Variants in NRG3 observed in about 807,000 individuals in gnomAD.
The protein encoded by NRG3 is neuregulin 3.
A neutral mutation model predicts 66.9 loss-of-function variants in NRG3; 31 were observed. The ratio of observed to expected loss-of-function variants is 0.46; its 90% CI spans 0.35 to 0.63. The LOEUF is 0.63. Among genes scored for constraint, NRG3 ranks in the 20% least tolerant of loss-of-function variants. The probability of loss-of-function intolerance (pLI) is 0.00; values close to 1 mark genes in which losing one functional copy is unlikely to be tolerated. For missense variants in NRG3, 910 were observed against 878.9 expected (o/e 1.04, Z -0.45); for synonymous variants, 393 against 359.4 (o/e 1.09, Z -1.06).
intron 2 of NRG3, among the ~76,000 whole-genome samples, chr10:82,408,046 C>CTA (rs2087674058): frequency 1.8e-5 from 1 of 54,370 alleles, no homozygotes; most frequent in Admixed American, 2.5e-4. Context: ...AAGACTACAT[C>CTA]GAGAGAGAGA....
intron 2 of NRG3, among the ~76,000 whole-genome samples, chr10:82,458,740 T>C (rs903264431): frequency 2.6e-5 from 4 of 152,156 alleles, no homozygotes; most frequent in African/African-American, 4.8e-5. Context: ...GCATCAGTTT[T>C]CTAATCTGAA....
chr10:82,017,304 T>G (rs539778001), intron 1 of NRG3, among the ~76,000 whole-genome samples: 2 of 152,238 alleles, frequency 1.3e-5, no homozygotes, highest in Admixed American at 6.5e-5. Context: ...ATGGTGTATA[T>G]GTGCCACATT....
At chr10:82,760,210 A>T (rs1591436754) in intron 3 of NRG3, among the ~76,000 whole-genome samples, 1 of 152,224 alleles carries the variant, frequency 6.6e-6, no homozygotes, top group South Asian at 2.1e-4. Context: ...CCAGAAAAAC[A>T]CAGGGCCCCA....
chr10:81,896,374 G>A (rs375300281), intron 1 of NRG3, among the ~76,000 whole-genome samples: 35 of 152,170 alleles, frequency 2.3e-4, no homozygotes, highest in Admixed American at 2.0e-3. Flanking sequence ...ATCCTATCTC[G>A]TGCCATTTCT....
At chr10:82,335,029 C>T (rs373513866) in intron 1 of NRG3, among the ~76,000 whole-genome samples, 2 of 152,204 alleles carry the variant, frequency 1.3e-5, no homozygotes, top group East Asian at 1.9e-4. Flanking sequence ...TTTCATCCTC[C>T]GTGGCCTTTA....
intron 6 of NRG3, among the ~76,000 whole-genome samples, chr10:82,961,811 A>G (rs1370342493): frequency 1.3e-5 from 2 of 152,162 alleles, no homozygotes; most frequent in Admixed American, 6.5e-5. Flanking sequence ...TCCATCACCA[A>G]GCTTCCCACC....
At chr10:82,761,099 A>G (rs964711757) in intron 3 of NRG3, among the ~76,000 whole-genome samples, 1 of 151,948 alleles carries the variant, frequency 6.6e-6, no homozygotes, top group Admixed American at 6.6e-5. Context: ...TAATTATAAA[A>G]AAAACTCTAA....
chr10:82,768,285 A>G (rs2059591353), intron 3 of NRG3, among the ~76,000 whole-genome samples: 1 of 152,070 alleles, frequency 6.6e-6, no homozygotes, highest in Non-Finnish European at 1.5e-5. Context: ...GAGCTGTCTC[A>G]CTTCTCAGTT....
chr10:82,032,735 G>A (rs375228846), intron 1 of NRG3, among the ~76,000 whole-genome samples: 4 of 152,000 alleles, frequency 2.6e-5, no homozygotes, highest in Non-Finnish European at 5.9e-5. Flanking sequence ...TAACTTTGAT[G>A]TCTCTTTCTT....
intron 2 of NRG3, among the ~76,000 whole-genome samples, chr10:82,378,008 G>C (rs535427504): frequency 1.3e-5 from 2 of 152,276 alleles, no homozygotes; most frequent in African/African-American, 4.8e-5. Flanking sequence ...TCTAATATTT[G>C]GATAACCAGT....
At chr10:82,920,204 G>C (rs1468603279) in intron 4 of NRG3, among the ~76,000 whole-genome samples, 1 of 150,290 alleles carries the variant, frequency 6.7e-6, no homozygotes, top group Non-Finnish European at 1.5e-5. Flanking sequence ...ATAAAGTACT[G>C]TACTCTAGTT....
intron 2 of NRG3, among the ~76,000 whole-genome samples, chr10:82,703,695 C>T (rs1339420338): frequency 6.6e-6 from 1 of 152,092 alleles, no homozygotes; most frequent in Non-Finnish European, 1.5e-5. Flanking sequence ...TTCATAAGTT[C>T]CTGGGCTAAG....
At chr10:82,661,398 A>G (rs1738489145) in intron 2 of NRG3, among the ~76,000 whole-genome samples, 1 of 152,050 alleles carries the variant, frequency 6.6e-6, no homozygotes. Flanking sequence ...TCTATTATAT[A>G]TTGTAACAAG....
At chr10:82,756,005 T>C (rs2059062967) in intron 3 of NRG3, among the ~76,000 whole-genome samples, 1 of 152,120 alleles carries the variant, frequency 6.6e-6, no homozygotes, top group South Asian at 2.1e-4. Flanking sequence ...TCTTCCTGAT[T>C]TACAGTCTCA....
At chr10:82,671,675 G>A (rs2053288226) in intron 2 of NRG3, among the ~76,000 whole-genome samples, 1 of 152,146 alleles carries the variant, frequency 6.6e-6, no homozygotes, top group East Asian at 1.9e-4. Flanking sequence ...TGTAAAATGA[G>A]GTAAACGATA....
intron 2 of NRG3, among the ~76,000 whole-genome samples, chr10:82,620,206 C>A (rs1168721024): frequency 6.6e-6 from 1 of 152,106 alleles, no homozygotes; most frequent in Non-Finnish European, 1.5e-5. Context: ...GCTCAGTGGG[C>A]CTCTTGCCTT....
At chr10:82,333,162 C>T (rs191842427) in intron 1 of NRG3, among the ~76,000 whole-genome samples, 1 of 152,140 alleles carries the variant, frequency 6.6e-6, no homozygotes, top group African/African-American at 2.4e-5. Context: ...ATTCTATATT[C>T]GTTTAGGTGG....
rs370164786 is a variant in NRG3 at position 82,617,656 on chromosome 10, C to G, written c.954-120921C>G. On this transcript the variant is annotated intron_variant, in intron 2 of 8. Transcript: ENST00000372141. The stretch of plus-strand genomic sequence containing the variant: ...TGAAGTTTCTTAGGAAAAACAATGT[C>G]AAAATGAGCACCTTGTACTGCCTGG... Among the ~76,000 whole-genome samples, 12 of 152,210 alleles carry G rather than the reference C, an allele frequency of 7.9e-5. No homozygotes were observed. In the South Asian group the frequency reaches 1.5e-3, roughly 18 times the overall value.
chr10:81,876,146 G>A lies in NRG3; in HGVS notation c.806G>A (p.Ser269Asn), dbSNP rs753893059. 4 of 1,592,932 alleles carry A rather than the reference G, an allele frequency of 2.5e-6. No homozygotes were observed. The highest frequency in any genetic ancestry group is 3.4e-6 in the Non-Finnish European group (4 of 1,169,484). ...GCTACCACCACCACACCAGAAACTA[G>A]CACCAGCCCCAAATTTCGTAAGTAA... is the stretch of plus-strand genomic sequence containing the variant. ...SSATTTTPET[S>N]TSPKFHTTTY... The change falls in exon 1 of 9, where the codon AGC (serine) becomes AAC (asparagine). Residue 269 changes from serine to asparagine, a missense_variant. Transcript: ENST00000372141.
Sources: allele counts gnomAD v4.1 joint callset (sites outside exome capture counted in the v4.1 genomes callset), GRCh38; gene constraint gnomAD v4.1.1; transcripts MANE v1.5; gene names NCBI Gene and HGNC (gene_info 2026-07-23, HGNC 2026-07-21).